The following CAMKMT variants were observed in gnomAD, a reference collection of about 807,000 sequenced individuals.
CAMKMT encodes calmodulin-lysine N-methyltransferase.
In CAMKMT, 53 loss-of-function variants were observed where a neutral mutation model predicts 48.0. The ratio of observed to expected loss-of-function variants is 1.10; its 90% CI spans 0.89 to 1.39. The LOEUF (loss-of-function observed/expected upper bound fraction) is 1.39, where lower values mean the gene tolerates loss of function less well. CAMKMT is among the 40% of genes most tolerant of loss of function. CAMKMT has a pLI of 0.00. For synonymous variants in CAMKMT, 165 were observed against 152.3 expected, an observed-to-expected ratio of 1.08 and a Z score of -0.61; for missense variants, 428 against 402.7, an observed-to-expected ratio of 1.06 and a Z score of -0.54.
intron 7 of CAMKMT, among the ~76,000 whole-genome samples, chr2:44,716,972 T>G (rs1160996035): frequency 6.6e-6 from 1 of 152,190 alleles, no homozygotes; most frequent in Non-Finnish European, 1.5e-5. Context: ...TCTAAAATGT[T>G]GCATTTTGAG....
chr2:44,362,689 C>T (rs1033422157), intron 1 of CAMKMT, among the ~76,000 whole-genome samples: 4 of 152,204 alleles, frequency 2.6e-5, no homozygotes. Flanking sequence ...CCCTCTCTCA[C>T]TGAGGTCTCA....
At chr2:44,659,488 G>A (rs1469875731) in intron 3 of CAMKMT, among the ~76,000 whole-genome samples, 4 of 151,634 alleles carry the variant, frequency 2.6e-5, no homozygotes, top group East Asian at 1.9e-4. Context: ...CCAGCCCTTT[G>A]GGAGGCTGAG....
At chr2:44,590,479 G>C (rs1411869176) in intron 3 of CAMKMT, among the ~76,000 whole-genome samples, 2 of 152,152 alleles carry the variant, frequency 1.3e-5, no homozygotes, top group Non-Finnish European at 2.9e-5. Flanking sequence ...TCTCATTGTG[G>C]TTTTGATTTG....
chr2:44,678,511 T>C (rs1176598153), intron 3 of CAMKMT, among the ~76,000 whole-genome samples: 1 of 152,208 alleles, frequency 6.6e-6, no homozygotes, highest in Non-Finnish European at 1.5e-5. Flanking sequence ...CTCCAAACAC[T>C]TGGGCTGAAT....
At chr2:44,589,315 T>C (rs1394854510) in intron 3 of CAMKMT, among the ~76,000 whole-genome samples, 3 of 42,348 alleles carry the variant, frequency 7.1e-5, no homozygotes, top group Non-Finnish European at 1.5e-4. Flanking sequence ...TGAGGGGCGC[T>C]TCTGCCCGGC....
At chr2:44,486,891 C>T (rs1247268027) in intron 3 of CAMKMT, among the ~76,000 whole-genome samples, 1 of 152,110 alleles carries the variant, frequency 6.6e-6, no homozygotes, top group Non-Finnish European at 1.5e-5. Flanking sequence ...AACATTGTGC[C>T]CAGTACTGAA....
At chr2:44,378,013 C>T (rs745523188) in intron 2 of CAMKMT, among the ~76,000 whole-genome samples, 4 of 152,094 alleles carry the variant, frequency 2.6e-5, no homozygotes, top group Non-Finnish European at 4.4e-5. Context: ...TAGAGCTTGG[C>T]GAGGCTGGCA....
intron 3 of CAMKMT, among the ~76,000 whole-genome samples, chr2:44,619,117 G>A (rs1040697930): frequency 9.9e-5 from 15 of 152,122 alleles, no homozygotes; most frequent in African/African-American, 3.1e-4. Flanking sequence ...ACTAATACAC[G>A]TAAGATTGTC....
intron 3 of CAMKMT, among the ~76,000 whole-genome samples, chr2:44,535,396 A>C (rs1666717702): frequency 6.6e-6 from 1 of 152,204 alleles, no homozygotes; most frequent in Non-Finnish European, 1.5e-5. Flanking sequence ...TGAGGCCAGC[A>C]TTACCCTGAT....
intron 3 of CAMKMT, among the ~76,000 whole-genome samples, chr2:44,688,850 G>A (rs1676480070): frequency 6.6e-6 from 1 of 152,114 alleles, no homozygotes; most frequent in African/African-American, 2.4e-5. Flanking sequence ...CCTGATACCA[G>A]GACTGTTTAA....
intron 7 of CAMKMT, among the ~76,000 whole-genome samples, chr2:44,720,551 A>C (rs1282359066): frequency 6.6e-6 from 1 of 152,170 alleles, no homozygotes; most frequent in Non-Finnish European, 1.5e-5. Context: ...TTTTTAGAGA[A>C]TGGCCACATG....
chr2:44,495,901 C>T (rs1669730291), intron 3 of CAMKMT, among the ~76,000 whole-genome samples: 1 of 152,282 alleles, frequency 6.6e-6, no homozygotes, highest in African/African-American at 2.4e-5. Flanking sequence ...ATTAGTGATT[C>T]AGTTTCTTCC....
chr2:44,621,577 G>C (rs1401349738), intron 3 of CAMKMT, among the ~76,000 whole-genome samples: 1 of 152,194 alleles, frequency 6.6e-6, no homozygotes, highest in East Asian at 1.9e-4. Context: ...CTGAAAGAAG[G>C]AATGTGTTTA....
At chr2:44,633,516 A>G (rs1672956660) in intron 3 of CAMKMT, among the ~76,000 whole-genome samples, 1 of 152,142 alleles carries the variant, frequency 6.6e-6, no homozygotes, top group African/African-American at 2.4e-5. Context: ...ACCAATGTTT[A>G]CATCTGCACT....
At chr2:44,726,274 CAG>C (rs1468809403) in intron 7 of CAMKMT, among the ~76,000 whole-genome samples, 1 of 152,198 alleles carries the variant, frequency 6.6e-6, no homozygotes, top group Non-Finnish European at 1.5e-5. Flanking sequence ...CTTTTCTCCA[CAG>C]CCTCGCCAGC....
chr2:44,753,437 A>G (rs1180463597), intron 8 of CAMKMT, among the ~76,000 whole-genome samples: 11 of 151,750 alleles, frequency 7.2e-5, no homozygotes, highest in Admixed American at 5.9e-4. Flanking sequence ...GAAAACAAAG[A>G]AAAGAAAAAA....
chr2:44,743,745 C>A, intron 8 of CAMKMT, 49 bp downstream of exon 8: 1 of 1,471,814 alleles, frequency 6.8e-7, no homozygotes, highest in Non-Finnish European at 9.5e-7. Context: ...AATAGCTTTG[C>A]TGGAGTAATT....
chr2:44,488,680 T>A (rs1459670580), intron 3 of CAMKMT, among the ~76,000 whole-genome samples: 2 of 151,598 alleles, frequency 1.3e-5, no homozygotes, highest in Non-Finnish European at 2.9e-5. Flanking sequence ...CCAGCCTGGG[T>A]GACAAGCGAG....
At chr2:44,585,109 C>T (rs1014404513) in intron 3 of CAMKMT, among the ~76,000 whole-genome samples, 5 of 151,814 alleles carry the variant, frequency 3.3e-5, no homozygotes, top group Admixed American at 2.6e-4. Context: ...GTTTTAGTGC[C>T]CAGCTTTTTA....
Sources: allele counts gnomAD v4.1 joint callset (sites outside exome capture counted in the v4.1 genomes callset), GRCh38; gene constraint gnomAD v4.1.1; transcripts MANE v1.5; gene names NCBI Gene and HGNC (gene_info 2026-07-23, HGNC 2026-07-21).